SFMBT2: variants seen among roughly 807,000 people sequenced by gnomAD.
SFMBT2 encodes the protein scm-like with four MBT domains protein 2.
In SFMBT2, 38 loss-of-function variants were observed where a neutral mutation model predicts 110.1. The ratio of observed to expected loss-of-function variants is 0.35; its 90% CI spans 0.27 to 0.45. The LOEUF (loss-of-function observed/expected upper bound fraction) is 0.45, where lower values mean the gene tolerates loss of function less well. Ranked by LOEUF, SFMBT2 falls within the 20% of genes least tolerant of loss-of-function variation. SFMBT2 has a pLI of 1.00. For synonymous variants in SFMBT2, 425 were observed against 425.4 expected (o/e 1.00, Z 0.01); for missense variants, 1,011 against 1,094.9 (o/e 0.92, Z 1.08).
chr10:7,179,516 A>C lies in SFMBT2; in HGVS notation c.1809-3351T>G, dbSNP rs1030702681. Among the ~76,000 whole-genome samples the C allele has an allele frequency of 3.3e-5, 5 of 151,912 alleles. No homozygotes were observed. The East Asian group carries it at 9.7e-4, about 29-fold the overall frequency. ...TAGAATAAAAGTGCTTCACGGCTAC[A>C]TTTTCCCTTGCAGTTTTATCCACTA... is the stretch of plus-strand genomic sequence containing the variant. On this transcript the variant is annotated intron_variant, in intron 16 of 20. Coordinates refer to ENST00000397167, the MANE Select transcript of SFMBT2 (RefSeq NM_001387889.1).
intron 4 of SFMBT2, among the ~76,000 whole-genome samples, chr10:7,300,944 G>A (rs1222192739): frequency 2.6e-5 from 4 of 152,298 alleles, no homozygotes; most frequent in Non-Finnish European, 5.9e-5. Flanking sequence ...CAGGCTGACT[G>A]TTTTCCTTTG....
At chr10:7,261,807 CACTGGCGACAAA>C (rs1841213190) in intron 7 of SFMBT2, among the ~76,000 whole-genome samples, 1 of 152,348 alleles carries the variant, frequency 6.6e-6, no homozygotes, top group East Asian at 1.9e-4. Flanking sequence ...TTATAAATGG[CACTGGCGACAAA>C]ACTGGAGGCA....
intron 12 of SFMBT2, chr10:7,203,478 A>C (rs1056075128): frequency 4.2e-6 from 1 of 238,748 alleles, no homozygotes; most frequent in Non-Finnish European, 6.8e-6. Flanking sequence ...CCAAAATCCT[A>C]AAGGAGGAGG....
At chr10:7,179,392 A>G (rs868823087) in intron 16 of SFMBT2, among the ~76,000 whole-genome samples, 644 of 19,160 alleles carry the variant, frequency 0.034, 4 homozygotes, top group African/African-American at 0.091. Flanking sequence ...TGCATTTTCG[A>G]AAAAAAAAAA....
intron 4 of SFMBT2, among the ~76,000 whole-genome samples, chr10:7,312,622 C>A (rs1316942701): frequency 6.6e-6 from 1 of 152,158 alleles, no homozygotes; most frequent in Non-Finnish European, 1.5e-5. Flanking sequence ...AAACATCCAG[C>A]AATAATCAGC....
chr10:7,192,850 G>T (rs1231250457), intron 15 of SFMBT2, among the ~76,000 whole-genome samples: 2 of 152,140 alleles, frequency 1.3e-5, no homozygotes, highest in African/African-American at 4.8e-5. Context: ...TGGTTCAGGG[G>T]TGCCGCACTA....
At chr10:7,233,149 G>A (rs1840157159) in intron 9 of SFMBT2, among the ~76,000 whole-genome samples, 1 of 152,206 alleles carries the variant, frequency 6.6e-6, no homozygotes, top group Non-Finnish European at 1.5e-5. Flanking sequence ...GGAATACCAT[G>A]TTTGCTATCT....
chr10:7,304,170 G>T (rs1011369585), intron 4 of SFMBT2, among the ~76,000 whole-genome samples: 2 of 152,188 alleles, frequency 1.3e-5, no homozygotes, highest in Non-Finnish European at 2.9e-5. Flanking sequence ...CAATTCACTT[G>T]TGTCTTGGGA....
chr10:7,257,320 AC>A (rs1841049821), intron 7 of SFMBT2, among the ~76,000 whole-genome samples: 1 of 152,146 alleles, frequency 6.6e-6, no homozygotes, highest in Non-Finnish European at 1.5e-5. Context: ...CTCACTACCC[AC>A]GGTCACCCAC....
chr10:7,398,863 G>A (rs757908980), intron 1 of SFMBT2, among the ~76,000 whole-genome samples: 1 of 152,148 alleles, frequency 6.6e-6, no homozygotes, highest in African/African-American at 2.4e-5. Flanking sequence ...ATCATGTGTT[G>A]TCCATACCGC....
chr10:7,307,060 A>G (rs1842718590), intron 4 of SFMBT2, among the ~76,000 whole-genome samples: 1 of 152,264 alleles, frequency 6.6e-6, no homozygotes, highest in Non-Finnish European at 1.5e-5. Context: ...TGCAAACAGC[A>G]CTTAGAAAAA....
intron 9 of SFMBT2, among the ~76,000 whole-genome samples, chr10:7,236,982 A>T (rs1484042289): frequency 6.6e-6 from 1 of 152,208 alleles, no homozygotes; most frequent in Non-Finnish European, 1.5e-5. Context: ...GTGCTCAACC[A>T]TCCTAGTGAT....
At chr10:7,237,049 C>A (rs1362320317) in intron 9 of SFMBT2, among the ~76,000 whole-genome samples, 1 of 152,182 alleles carries the variant, frequency 6.6e-6, no homozygotes, top group Non-Finnish European at 1.5e-5. Flanking sequence ...AGGGGCCATG[C>A]TTAATCCTGG....
intron 6 of SFMBT2, among the ~76,000 whole-genome samples, chr10:7,279,152 G>C (rs1231704329): frequency 1.3e-5 from 2 of 151,956 alleles, no homozygotes; most frequent in African/African-American, 2.4e-5. Context: ...AACATGACCA[G>C]GGTTAGATCC....
intron 1 of SFMBT2, among the ~76,000 whole-genome samples, chr10:7,404,394 G>A (rs1323260252): frequency 2.0e-5 from 3 of 152,176 alleles, no homozygotes; most frequent in Non-Finnish European, 4.4e-5. Context: ...CAGAAAGCAG[G>A]GAAGGCATAC....
intron 15 of SFMBT2, among the ~76,000 whole-genome samples, chr10:7,190,402 T>C (rs1007735969): frequency 6.6e-6 from 1 of 152,232 alleles, no homozygotes; most frequent in South Asian, 2.1e-4. Flanking sequence ...ATTTGCTGCA[T>C]ATCGAGATGC....
intron 4 of SFMBT2, among the ~76,000 whole-genome samples, chr10:7,327,298 A>G (rs949212031): frequency 6.6e-6 from 1 of 151,996 alleles, no homozygotes; most frequent in Non-Finnish European, 1.5e-5. Context: ...TTCCATTCCC[A>G]CCACCACCAT....
At position 7,171,032 on chromosome 10, in the gene SFMBT2, T is replaced by C. The variant is rs890183721; in HGVS notation, c.2440A>G (p.Arg814Gly). 6.2e-7 allele frequency: 1 copy of C among 1,613,968 alleles called. No individual in the cohort carries two copies. The highest frequency in any genetic ancestry group is 8.5e-7 in the Non-Finnish European group (1 of 1,179,970). The change falls in exon 20 of 21, where the codon AGA (arginine) becomes GGA (glycine). Residue 814 changes from arginine (R) to glycine (G), a missense_variant. Physicochemically the swap from Arg to Gly is moderately radical, Grantham distance 125. Coordinates refer to ENST00000397167, the MANE Select transcript of SFMBT2 (RefSeq NM_001387889.1). The surrounding 1 kb of genome is among the most constrained non-coding windows in gnomAD (Gnocchi z 4.9). ...AACGGGTTGCTCTCCAGAACCAGTC[T>C]CTCCTCCTCCTCCTGTTTCGTGTCC... ...TEDTKQEEEE[R>G]LVLESNPLEW...
intron 11 of SFMBT2, chr10:7,215,568 A>T: frequency 1.0e-6 from 1 of 985,434 alleles, no homozygotes; most frequent in South Asian, 4.7e-5. Flanking sequence ...TGCTCAACCA[A>T]GCACTGGAAT....
Sources: gnomAD v4.1 joint callset for allele counts (sites outside exome capture counted in the v4.1 genomes callset) on GRCh38, gnomAD v4.1.1 for gene constraint, Gnocchi (gnomAD v3.1) non-coding constraint, MANE v1.5 for transcripts, NCBI Gene and HGNC (gene_info 2026-07-23, HGNC 2026-07-21) for gene names.